Variants in FAM222B observed in about 807,000 individuals in gnomAD.
FAM222B encodes protein FAM222B.
FAM222B carries 12 observed loss-of-function variants against 38.0 expected under a neutral mutation model. The observed-to-expected ratio is 0.32, with a 90% CI of 0.20 to 0.51. FAM222B has a LOEUF of 0.51. Among genes scored for constraint, FAM222B ranks in the 20% least tolerant of loss-of-function variants. FAM222B has a pLI of 0.97. For synonymous variants in FAM222B, 329 were observed against 317.2 expected (o/e 1.04, Z -0.40); for missense variants, 716 against 754.2 (o/e 0.95, Z 0.59).
At chr17:28,843,705 C>T (rs1045732786), upstream of FAM222B, among the ~76,000 whole-genome samples, 1 of 152,066 alleles carries the variant, frequency 6.6e-6, no homozygotes, top group Non-Finnish European at 1.5e-5. Flanking sequence ...GCCCCGGCCT[C>T]CCAAAGTGCT....
intron 1 of FAM222B, among the ~76,000 whole-genome samples, chr17:28,823,844 AG>A (rs1408166879): frequency 6.6e-6 from 1 of 151,492 alleles, no homozygotes; most frequent in Non-Finnish European, 1.5e-5. Context: ...ATACCTAACA[AG>A]TATCTCAAAC....
Position 28,758,137 on chromosome 17 carries a change from C to T in FAM222B, c.*133G>A. The stretch of plus-strand genomic sequence containing the variant: ...CCTTCTGTCCCCACTTAGATCCCAC[C>T]AAATTCCCTTTCTTAGACATCTAAG... On this transcript the variant is annotated 3_prime_UTR_variant, in exon 3 of 3. Coordinates refer to ENST00000581407, the MANE Select transcript of FAM222B (RefSeq NM_001077498.3). 1.2e-6 allele frequency: 1 copy of T among 850,926 alleles called. No homozygotes were observed. Among genetic ancestry groups the T allele is most frequent in the Middle Eastern group, 2.6e-4 (1 of 3,918 alleles). 52.7% of individuals were successfully genotyped at this position (850,926 alleles called of 1,614,324 possible).
chr17:28,830,990 CTTTTTTTTT>C (rs56073818), intron 1 of FAM222B, among the ~76,000 whole-genome samples: 3 of 117,796 alleles, frequency 2.5e-5, no homozygotes, highest in Non-Finnish European at 5.4e-5. Flanking sequence ...GTGAATGTTT[CTTTTTTTTT>C]TTTTTTTTTT....
Position 28,785,960 on chromosome 17 carries a change from A to G in FAM222B, c.-40-19253T>C, listed in dbSNP as rs559468726. On this transcript the variant is annotated intron_variant, in intron 1 of 2. Transcript: ENST00000581407. ...CCTCTCCGCCTGCCTTGGCCTCCCA[A>G]AGTGCTGGGATTACAGGTGTGAGGC... Among the ~76,000 whole-genome samples, 9 of 151,570 alleles carry G rather than the reference A, an allele frequency of 5.9e-5. No homozygotes were observed. The South Asian group carries it at 1.9e-3, about 32-fold the overall frequency.
At chr17:28,834,671 C>T (rs1011353256) in intron 1 of FAM222B, 1 of 152,070 alleles carries the variant, frequency 6.6e-6, no homozygotes, top group African/African-American at 2.4e-5. Flanking sequence ...TATTACAGCA[C>T]TTATTGTACT....
upstream of FAM222B, among the ~76,000 whole-genome samples, chr17:28,846,137 A>AG (rs1195576117): frequency 6.8e-6 from 1 of 146,928 alleles, no homozygotes; most frequent in African/African-American, 2.5e-5. Flanking sequence ...CAGGAGGTGG[A>AG]GGTTGCAGTG....
At chr17:28,849,381 A>G (rs917741729) in intron 1 of FAM222B, 1 of 152,108 alleles carries the variant, frequency 6.6e-6, no homozygotes, top group African/African-American at 2.4e-5. Context: ...TTAAATCAGC[A>G]TATCAACTTA....
chr17:28,850,216 C>T (rs747987353), intron 1 of FAM222B, among the ~76,000 whole-genome samples: 2 of 152,044 alleles, frequency 1.3e-5, no homozygotes, highest in Non-Finnish European at 2.9e-5. Context: ...GCAGGGATTG[C>T]GATTTGAATT....
intron 1 of FAM222B, among the ~76,000 whole-genome samples, chr17:28,831,859 T>C (rs562362774): frequency 6.6e-6 from 1 of 152,134 alleles, no homozygotes; most frequent in Admixed American, 6.6e-5. Flanking sequence ...TGTCTACTTT[T>C]AAGTAGGGGT....
intron 2 of FAM222B, among the ~76,000 whole-genome samples, chr17:28,760,734 GA>G (rs1256659051): frequency 6.6e-6 from 1 of 152,194 alleles, no homozygotes; most frequent in East Asian, 1.9e-4. Flanking sequence ...AGTCTGCAGG[GA>G]CCAATGAGGG....
intron 1 of FAM222B, among the ~76,000 whole-genome samples, chr17:28,775,003 A>ATTTT (rs34758668): frequency 1.6e-5 from 2 of 125,564 alleles, no homozygotes; most frequent in South Asian, 2.5e-4. Flanking sequence ...TCTCAGCTGT[A>ATTTT]TTTTTTTTTT....
intron 1 of FAM222B, among the ~76,000 whole-genome samples, chr17:28,797,655 A>G (rs2037005632): frequency 6.6e-6 from 1 of 152,182 alleles, no homozygotes; most frequent in South Asian, 2.1e-4. Context: ...TTACATTTGT[A>G]GGGAGTTTTA....
At chr17:28,813,445 TAAGC>T (rs1458185115) in intron 1 of FAM222B, among the ~76,000 whole-genome samples, 2 of 152,162 alleles carry the variant, frequency 1.3e-5, no homozygotes, top group Non-Finnish European at 2.9e-5. Flanking sequence ...GGTATAATAA[TAAGC>T]AACAGTTGAA....
intron 1 of FAM222B, among the ~76,000 whole-genome samples, chr17:28,827,252 G>T (rs1401376903): frequency 6.6e-6 from 1 of 152,046 alleles, no homozygotes; most frequent in African/African-American, 2.4e-5. Flanking sequence ...AGCTACTTGG[G>T]AGGCTGAGGC....
intron 1 of FAM222B, among the ~76,000 whole-genome samples, chr17:28,771,042 A>G (rs1485257155): frequency 1.3e-5 from 2 of 150,526 alleles, no homozygotes; most frequent in Admixed American, 6.7e-5. Context: ...AGAGGGTGCA[A>G]TGATGCTCCC....
Position 28,758,068 on chromosome 17 carries a change from C to A in FAM222B, c.*202G>T, listed in dbSNP as rs2034793733. ...AAAAGCCTGGGCTTAGGGTTAGGTT[C>A]TAACATAAAACCAAAAGTTGCTGGA... On this transcript the variant is annotated 3_prime_UTR_variant, in exon 3 of 3. Transcript: ENST00000581407. 1.9e-6 allele frequency: 1 copy of A among 522,314 alleles called. No homozygotes were observed. The highest frequency in any genetic ancestry group is 1.9e-5 in the African/African-American group (1 of 52,440). The allele number at this position is 522,314 out of a possible 1,614,324, so 32.4% of individuals were successfully genotyped here. A position where few individuals can be genotyped will look rare whatever the true frequency, so the allele number is the denominator to read the frequency against.
chr17:28,823,580 C>T (rs2038339603), intron 1 of FAM222B, among the ~76,000 whole-genome samples: 1 of 152,156 alleles, frequency 6.6e-6, no homozygotes, highest in Admixed American at 6.6e-5. Flanking sequence ...CAGGATCTTA[C>T]TATGTTACCC....
chr17:28,846,001 A>T (rs561175727), upstream of FAM222B, among the ~76,000 whole-genome samples: 15 of 151,184 alleles, frequency 9.9e-5, no homozygotes, highest in Non-Finnish European at 1.8e-4. Flanking sequence ...CAGGAGATCG[A>T]GACCATCCTG....
chr17:28,768,323 G>A (rs1416864119), intron 1 of FAM222B, among the ~76,000 whole-genome samples: 1 of 152,128 alleles, frequency 6.6e-6, no homozygotes, highest in East Asian at 1.9e-4. Flanking sequence ...GAGTATCAGA[G>A]GGCTCCTGCT....
Sources: gnomAD v4.1 joint callset for allele counts (sites outside exome capture counted in the v4.1 genomes callset) on GRCh38, gnomAD v4.1.1 for gene constraint, MANE v1.5 for transcripts, NCBI Gene and HGNC (gene_info 2026-07-23, HGNC 2026-07-21) for gene names.